Variants in KIRREL3 observed in about 807,000 individuals in gnomAD.
KIRREL3 encodes the protein kirre like nephrin family adhesion molecule 3.
Under a neutral mutation model 89.7 loss-of-function variants are expected in KIRREL3, and 36 were observed. That is an observed-to-expected ratio of 0.40 (90% CI 0.31 to 0.53). KIRREL3 has a LOEUF of 0.53. KIRREL3 is among the 20% of genes least tolerant of loss of function. The pLI is 0.49. For synonymous variants in KIRREL3, 445 were observed against 441.4 expected (o/e 1.01, Z -0.10); for missense variants, 864 against 1,056.6 (o/e 0.82, Z 2.53).
chr11:126,937,917 A>C (rs1565440720), intron 1 of KIRREL3, among the ~76,000 whole-genome samples: 1 of 152,080 alleles, frequency 6.6e-6, no homozygotes, highest in Non-Finnish European at 1.5e-5. Flanking sequence ...AAAAACCAAA[A>C]AAAACCCACA....
intron 1 of KIRREL3, among the ~76,000 whole-genome samples, chr11:126,700,493 G>A (rs1591984072): frequency 6.6e-6 from 1 of 152,170 alleles, no homozygotes; most frequent in Admixed American, 6.5e-5. Flanking sequence ...TGAGGTTTTT[G>A]CAATTACTTT....
chr11:126,972,416 G>A (rs1192601788), intron 1 of KIRREL3, among the ~76,000 whole-genome samples: 1 of 152,030 alleles, frequency 6.6e-6, no homozygotes, highest in African/African-American at 2.4e-5. Flanking sequence ...AGCCTCCCTT[G>A]CAGCTAGAGT....
chr11:126,611,847 A>T lies in KIRREL3; in HGVS notation c.56-48935T>A, dbSNP rs1212480608. Among the ~76,000 whole-genome samples the T allele has an allele frequency of 6.6e-6, 1 of 152,212 alleles. No homozygotes were observed. The highest frequency in any genetic ancestry group is 1.5e-5 in the Non-Finnish European group (1 of 68,032). On this transcript the variant is annotated intron_variant, in intron 1 of 16. Coordinates refer to ENST00000525144, the MANE Select transcript of KIRREL3 (RefSeq NM_032531.4). The surrounding 1 kb of genome is among the most constrained non-coding windows in gnomAD (Gnocchi z 4.7). ...GCTGGACCCATCAGGCTGGAACACC[A>T]GATTCTTAATCAACTGTAGGTGCTA...
chr11:126,503,927 C>T lies in KIRREL3; in HGVS notation c.433+17388G>A, dbSNP rs569135005. On this transcript the variant is annotated intron_variant, in intron 4 of 16. Coordinates refer to ENST00000525144, the MANE Select transcript of KIRREL3 (RefSeq NM_032531.4). Reference sequence around the variant, plus strand: ...AACTCAAACTTCCAGGCTCCAGACACAGTCTGGAGAAATAAATGCTTGTTG... The same window carrying T: ...AACTCAAACTTCCAGGCTCCAGACATAGTCTGGAGAAATAAATGCTTGTTG... Among the ~76,000 whole-genome samples, 3 of 152,190 alleles carry T rather than the reference C, an allele frequency of 2.0e-5. No homozygotes were observed. In the East Asian group the frequency reaches 5.8e-4, roughly 29 times the overall value.
chr11:126,890,660 C>G lies in KIRREL3; in HGVS notation c.55+109795G>C, dbSNP rs1259616473. Reference sequence around the variant, plus strand: ...TCGATGGCCAAGCAGCTTCTATCAGCTTTTCTCTTTCTTTACAGGCCCTGC... The same window carrying G: ...TCGATGGCCAAGCAGCTTCTATCAGGTTTTCTCTTTCTTTACAGGCCCTGC... On this transcript the variant is annotated intron_variant, in intron 1 of 16. Transcript: ENST00000525144. The surrounding 1 kb of genome is among the most constrained non-coding windows in gnomAD (Gnocchi z 5.1). Among the ~76,000 whole-genome samples the G allele has an allele frequency of 1.3e-5, 2 of 152,218 alleles. No homozygotes were observed. The highest frequency in any genetic ancestry group is 2.4e-5 in the African/African-American group (1 of 41,468).
In KIRREL3 at chr11:126,568,544, C is replaced by T. The variant is rs543797889; in HGVS notation, c.56-5632G>A. On this transcript the variant is annotated intron_variant, in intron 1 of 16. Transcript: ENST00000525144. This position sits in a 1 kb window ranked among gnomAD's most constrained non-coding sequence, Gnocchi z 4.6. The stretch of plus-strand genomic sequence containing the variant: ...GCCTGAGATCATCTGGAGGAGACAC[C>T]AGCTGGGTTTGGTTGGACTCACAGG... Among the ~76,000 whole-genome samples the T allele has an allele frequency of 1.3e-5, 2 of 152,156 alleles. No homozygotes were observed. Among genetic ancestry groups the T allele is most frequent in the Admixed American group, 1.3e-4 (2 of 15,284 alleles).
chr11:126,457,171 G>A (rs962181950), intron 6 of KIRREL3, among the ~76,000 whole-genome samples: 1 of 148,794 alleles, frequency 6.7e-6, no homozygotes, highest in Non-Finnish European at 1.5e-5. Context: ...GGAGACCATA[G>A]AGGAAGAGAG....
rs1940203265 is a variant in KIRREL3 at position 126,562,528 on chromosome 11, G to A, written c.133+307C>T. Among the ~76,000 whole-genome samples the A allele has an allele frequency of 6.6e-6, 1 of 152,202 alleles. No homozygotes were observed. Among genetic ancestry groups the A allele is most frequent in the Admixed American group, 6.5e-5 (1 of 15,282 alleles). On this transcript the variant is annotated intron_variant, in intron 2 of 16. Transcript: ENST00000525144. This position sits in a 1 kb window ranked among gnomAD's most constrained non-coding sequence, Gnocchi z 4.7. Reference sequence around the variant, plus strand: ...ATGAAAATAGGAGCAGATTTAATTGGGCTGGCTGTGGGGTGGGGTGCGGAA... The same window carrying A: ...ATGAAAATAGGAGCAGATTTAATTGAGCTGGCTGTGGGGTGGGGTGCGGAA...
intron 1 of KIRREL3, among the ~76,000 whole-genome samples, chr11:126,720,112 A>T (rs1022850659): frequency 6.6e-6 from 1 of 152,062 alleles, no homozygotes; most frequent in Non-Finnish European, 1.5e-5. Context: ...ACTTTGTCTT[A>T]TGTTTCTTCA....
chr11:126,433,312 C>G (rs1955203772), intron 13 of KIRREL3, among the ~76,000 whole-genome samples: 1 of 152,178 alleles, frequency 6.6e-6, no homozygotes, highest in African/African-American at 2.4e-5. Context: ...CTCTTGCTGT[C>G]TTTTTCTTTA....
Position 126,463,702 on chromosome 11 carries a change from G to A in KIRREL3, c.592-395C>T, listed in dbSNP as rs762947267. On this transcript the variant is annotated intron_variant, in intron 5 of 16. Transcript: ENST00000525144. The surrounding 1 kb of genome is among the most constrained non-coding windows in gnomAD (Gnocchi z 5.9). ...AGTCTCAGGCTCTGTAGGAAGCAAC[G>A]AGATGGTTTGCAACCAGCAGGGACT... Among the ~76,000 whole-genome samples, 10 of 152,158 alleles carry A rather than the reference G, an allele frequency of 6.6e-5. No individual in the cohort carries two copies. Among genetic ancestry groups the A allele is most frequent in the Non-Finnish European group, 1.3e-4 (9 of 68,022 alleles).
chr11:126,923,774 A>C (rs2135010021), intron 1 of KIRREL3, among the ~76,000 whole-genome samples: 1 of 152,212 alleles, frequency 6.6e-6, no homozygotes, highest in East Asian at 1.9e-4. Flanking sequence ...GTCTATCTTG[A>C]GAGTTCTGCC....
Position 126,664,167 on chromosome 11 carries a change from C to A in KIRREL3, c.56-101255G>T, listed in dbSNP as rs1028707138. On this transcript the variant is annotated intron_variant, in intron 1 of 16. Coordinates refer to ENST00000525144, the MANE Select transcript of KIRREL3 (RefSeq NM_032531.4). The surrounding 1 kb of genome is among the most constrained non-coding windows in gnomAD (Gnocchi z 5.4). ...AAGTTGAATGGGAATATCCATAATG[C>A]ACCTCCTATCCTCTATTACCATTCT... Among the ~76,000 whole-genome samples, 1 of 152,140 alleles carries A rather than the reference C, an allele frequency of 6.6e-6. No individual in the cohort carries two copies. Among genetic ancestry groups the A allele is most frequent in the African/African-American group, 2.4e-5 (1 of 41,424 alleles).
chr11:126,491,881 T>G lies in KIRREL3; in HGVS notation c.434-18415A>C. ...CATGCCTGGCTAATTTTTGTATTTT[T>G]AGTAGAGATGGGGTTTCACCATGTT... On this transcript the variant is annotated intron_variant, in intron 4 of 16. Transcript: ENST00000525144. The surrounding 1 kb of genome is among the most constrained non-coding windows in gnomAD (Gnocchi z 5.5). 6.6e-6 allele frequency among the ~76,000 whole-genome samples: 1 copy of G among 152,040 alleles called. No homozygotes were observed. The highest frequency in any genetic ancestry group is 1.9e-4 in the East Asian group (1 of 5,136).
At chr11:126,616,032 C>A (rs2134817680) in intron 1 of KIRREL3, among the ~76,000 whole-genome samples, 1 of 152,252 alleles carries the variant, frequency 6.6e-6, no homozygotes, top group South Asian at 2.1e-4. Flanking sequence ...TGTGTCCGTT[C>A]ACTTCACATA....
chr11:126,986,837 G>A (rs188478251), intron 1 of KIRREL3, among the ~76,000 whole-genome samples: 2 of 152,298 alleles, frequency 1.3e-5, no homozygotes, highest in East Asian at 1.9e-4. Context: ...AGTGACTTTC[G>A]ACTCCCTTGT....
chr11:126,503,204 C>A lies in KIRREL3; in HGVS notation c.433+18111G>T, dbSNP rs1957916878. 2.6e-5 allele frequency among the ~76,000 whole-genome samples: 4 copies of A among 152,232 alleles called. No homozygotes were observed. The South Asian group carries it at 6.2e-4, about 24-fold the overall frequency. On this transcript the variant is annotated intron_variant, in intron 4 of 16. Coordinates refer to ENST00000525144, the MANE Select transcript of KIRREL3 (RefSeq NM_032531.4). ...TGGTGTGAAAAGGGAGTGTTGCTGG[C>A]AGAAAGGCTCTGTCTCAGATCTTCC...
chr11:126,649,721 T>G (rs1195563919), intron 1 of KIRREL3, among the ~76,000 whole-genome samples: 5 of 152,204 alleles, frequency 3.3e-5, no homozygotes, highest in Admixed American at 3.3e-4. Flanking sequence ...ATTGAGTGTC[T>G]GCGGCTCTTC....
chr11:126,863,334 G>T (rs758415320), intron 1 of KIRREL3, among the ~76,000 whole-genome samples: 3 of 146,294 alleles, frequency 2.1e-5, no homozygotes, highest in Non-Finnish European at 3.0e-5. Flanking sequence ...AATATGTGGG[G>T]AGGTGGGCAT....
Sources: gnomAD v4.1 joint callset for allele counts (sites outside exome capture counted in the v4.1 genomes callset) on GRCh38, gnomAD v4.1.1 for gene constraint, Gnocchi (gnomAD v3.1) non-coding constraint, MANE v1.5 for transcripts, NCBI Gene and HGNC (gene_info 2026-07-23, HGNC 2026-07-21) for gene names.